Variants in SMC5 observed in about 807,000 individuals in gnomAD.
SMC5 encodes the protein structural maintenance of chromosomes 5.
SMC5 carries 88 observed loss-of-function variants against 148.3 expected under a neutral mutation model. The observed-to-expected ratio is 0.59, with a 90% CI of 0.50 to 0.71. SMC5 has a LOEUF of 0.71. SMC5 is among the 30% of genes least tolerant of loss of function. The probability of loss-of-function intolerance (pLI) is 0.00; values close to 1 mark genes in which losing one functional copy is unlikely to be tolerated. For synonymous variants in SMC5, 421 were observed against 432.8 expected (o/e 0.97, Z 0.34); for missense variants, 1,142 against 1,298.9 (o/e 0.88, Z 1.86).
At chr9:70,352,131 G>A in intron 24 of SMC5, 60 bp from the exon 25 acceptor site, 20 of 1,431,772 alleles carry the variant, frequency 1.4e-5, no homozygotes, top group Non-Finnish European at 1.9e-5. Context: ...CACATGTAAG[G>A]TTGGAAAACT....
chr9:70,341,406 TTC>T (rs2036519786), intron 17 of SMC5, among the ~76,000 whole-genome samples: 1 of 152,230 alleles, frequency 6.6e-6, no homozygotes, highest in Admixed American at 6.5e-5. Flanking sequence ...AGTATTTAGT[TTC>T]TATCCAGCTG....
At chr9:70,345,614 A>G (rs1256722869) in intron 18 of SMC5, among the ~76,000 whole-genome samples, 1 of 152,034 alleles carries the variant, frequency 6.6e-6, no homozygotes, top group Non-Finnish European at 1.5e-5. Flanking sequence ...ATGTTTCAGA[A>G]TAAAAGGAAT....
intron 10 of SMC5, among the ~76,000 whole-genome samples, chr9:70,304,596 G>A (rs1433787999): frequency 1.3e-5 from 2 of 152,100 alleles, no homozygotes; most frequent in African/African-American, 4.8e-5. Flanking sequence ...CTGAGGCGCA[G>A]GAATTGCTTG....
intron 8 of SMC5, among the ~76,000 whole-genome samples, chr9:70,289,178 C>T (rs1587646679): frequency 6.6e-6 from 1 of 152,054 alleles, no homozygotes; most frequent in Non-Finnish European, 1.5e-5. Flanking sequence ...GCTGGGACTA[C>T]AGGCATGCAC....
At chr9:70,352,060 A>T (rs2036817460) in intron 24 of SMC5, 131 bp from the exon 25 acceptor site, 3 of 761,650 alleles carry the variant, frequency 3.9e-6, no homozygotes, top group African/African-American at 1.8e-5. Context: ...CGGCCTGAGC[A>T]GCAGAGTGGG....
chr9:70,292,595 G>A (rs2035092656), intron 8 of SMC5, among the ~76,000 whole-genome samples: 1 of 152,072 alleles, frequency 6.6e-6, no homozygotes, highest in African/African-American at 2.4e-5. Context: ...TAGGAGGAAA[G>A]CATTCAGTTT....
chr9:70,285,923 C>T (rs2034886910), intron 7 of SMC5, among the ~76,000 whole-genome samples: 2 of 151,998 alleles, frequency 1.3e-5, no homozygotes, highest in Non-Finnish European at 2.9e-5. Flanking sequence ...CCTGATTATC[C>T]TGTAGGGTTG....
intron 17 of SMC5, among the ~76,000 whole-genome samples, chr9:70,332,159 A>C (rs771329033): frequency 3.9e-5 from 6 of 152,168 alleles, no homozygotes; most frequent in Admixed American, 1.3e-4. Context: ...TTAATTTCTC[A>C]TTAAAAACTT....
chr9:70,293,292 T>C (rs1370588928), intron 8 of SMC5, among the ~76,000 whole-genome samples: 1 of 152,076 alleles, frequency 6.6e-6, no homozygotes, highest in Non-Finnish European at 1.5e-5. Context: ...GAATCTGCAG[T>C]GATAACCCTA....
chr9:70,324,029 T>G lies in SMC5; in HGVS notation c.2283T>G (p.Thr761=), dbSNP rs764625118. ...TELTNLIKIC[T]SLHIQKVDLI... ...GGGGTTTTTGTTCCTAGATTTGTAC[T>G]TCTTTGCATATACAAAAAGTAGATT... Residue 761 remains threonine, a synonymous_variant, in exon 17 of 25, where the codon ACT becomes ACG. Transcript: ENST00000361138. 3 of 1,559,258 alleles carry G rather than the reference T, an allele frequency of 1.9e-6. No individual in the cohort carries two copies. In the South Asian group the frequency reaches 3.7e-5, roughly 19 times the overall value.
Position 70,279,407 on chromosome 9 carries a change from C to T in SMC5, c.678+782C>T, listed in dbSNP as rs148926047. Among the ~76,000 whole-genome samples the T allele has an allele frequency of 3.9e-3, 599 of 152,176 alleles. 3 individuals carry two copies. The highest frequency in any genetic ancestry group is 0.013 in the African/African-American group (554 of 41,504). ...TGGTGGCGCACACCTGTACTTCCCG[C>T]ACTTGGGATGCTAAGGTGGGAGGAT... On this transcript the variant is annotated intron_variant, in intron 5 of 24. Coordinates refer to ENST00000361138, the MANE Select transcript of SMC5 (RefSeq NM_015110.4).
chr9:70,348,112 A>G, intron 22 of SMC5, 74 bp downstream of exon 22: 2 of 1,263,994 alleles, frequency 1.6e-6, no homozygotes, highest in Admixed American at 3.5e-5. Context: ...CATATAAATT[A>G]TTTATTTACT....
chr9:70,325,119 A>C (rs1472156229), intron 17 of SMC5, among the ~76,000 whole-genome samples: 1 of 152,216 alleles, frequency 6.6e-6, no homozygotes, highest in Admixed American at 6.5e-5. Flanking sequence ...GGCTGAAATC[A>C]TGTGGCTCAA....
intron 16 of SMC5, 132 bp from the exon 17 acceptor site, chr9:70,323,889 T>G: frequency 3.3e-6 from 3 of 905,592 alleles, no homozygotes; most frequent in East Asian, 2.8e-5. Flanking sequence ...AAGAACTGTT[T>G]GAGAGAGATG....
At chr9:70,334,775 GTGAAAAAA>G (rs1487145769) in intron 17 of SMC5, among the ~76,000 whole-genome samples, 2 of 152,042 alleles carry the variant, frequency 1.3e-5, no homozygotes, top group Admixed American at 6.6e-5. Context: ...CAACAACCCA[GTGAAAAAA>G]TGGGCAAAGA....
chr9:70,262,945 C>T (rs1587610622), intron 1 of SMC5, among the ~76,000 whole-genome samples: 1 of 150,934 alleles, frequency 6.6e-6, no homozygotes, highest in Non-Finnish European at 1.5e-5. Flanking sequence ...GAAAAATCCC[C>T]CGCCTACCCC....
At chr9:70,334,993 A>C (rs759875537) in intron 17 of SMC5, among the ~76,000 whole-genome samples, 38 of 152,202 alleles carry the variant, frequency 2.5e-4, no homozygotes, top group Non-Finnish European at 3.5e-4. Context: ...AAAATTTTAA[A>C]AGACTGATCA....
intron 15 of SMC5, among the ~76,000 whole-genome samples, chr9:70,323,245 G>A (rs940944108): frequency 3.9e-5 from 6 of 151,988 alleles, no homozygotes; most frequent in Admixed American, 6.5e-5. Context: ...TTGTTTGTTC[G>A]TTTCTGGTTT....
intron 18 of SMC5, 67 bp from the exon 19 acceptor site, chr9:70,346,538 T>C (rs2036670963): frequency 6.7e-7 from 1 of 1,493,894 alleles, no homozygotes; most frequent in Non-Finnish European, 9.3e-7. Flanking sequence ...ATAAGTGCAG[T>C]ATAAAGTTCT....
Sources: allele counts gnomAD v4.1 joint callset (sites outside exome capture counted in the v4.1 genomes callset), GRCh38; gene constraint gnomAD v4.1.1; transcripts MANE v1.5; gene names NCBI Gene and HGNC (gene_info 2026-07-23, HGNC 2026-07-21).